SBF2: variants seen among roughly 807,000 people sequenced by gnomAD.
The protein encoded by SBF2 is myotubularin-related protein 13.
In SBF2, 112 loss-of-function variants were observed where a neutral mutation model predicts 225.2. The ratio of observed to expected loss-of-function variants is 0.50; its 90% confidence interval spans 0.43 to 0.58. The LOEUF (loss-of-function observed/expected upper bound fraction) is 0.58, where lower values mean the gene tolerates loss of function less well. Ranked by LOEUF, SBF2 falls within the 20% of genes least tolerant of loss-of-function variation. SBF2 has a pLI of 0.00. For synonymous variants in SBF2, 763 were observed against 773.3 expected (o/e 0.99, Z 0.22); for missense variants, 1,996 against 2,206.2 (o/e 0.90, Z 1.91).
At chr11:10,263,036 A>G (rs1961595866) in intron 1 of SBF2, among the ~76,000 whole-genome samples, 1 of 152,086 alleles carries the variant, frequency 6.6e-6, no homozygotes, top group Admixed American at 6.5e-5. Flanking sequence ...ATTTAATCCT[A>G]AAGAAATTGT....
At chr11:9,793,777 T>G (rs1040379022) in intron 33 of SBF2, among the ~76,000 whole-genome samples, 5 of 152,178 alleles carry the variant, frequency 3.3e-5, no homozygotes, top group African/African-American at 1.2e-4. Flanking sequence ...TGCCTGGACC[T>G]TGGAAGTTTT....
In SBF2 at chr11:10,133,290, T is replaced by C. The variant is rs905099372; in HGVS notation, c.141+60612A>G. On this transcript the variant is annotated intron_variant, in intron 2 of 39. Transcript: ENST00000256190. The stretch of plus-strand genomic sequence containing the variant: ...TGCAGGTGGAGCTGCCTGCCAGTCC[T>C]GCGCCGTGTGCTCGCATTCCTCAGC... Among the ~76,000 whole-genome samples, 48 of 149,576 alleles carry C rather than the reference T, an allele frequency of 3.2e-4. 3 individuals carry two copies. The highest frequency in any genetic ancestry group is 5.0e-4 in the Non-Finnish European group (34 of 67,508).
intron 6 of SBF2, among the ~76,000 whole-genome samples, chr11:10,005,788 T>C (rs922813675): frequency 3.3e-5 from 5 of 152,074 alleles, no homozygotes; most frequent in Non-Finnish European, 5.9e-5. Flanking sequence ...TGGCTGGAGG[T>C]GTTTAACCCC....
At chr11:9,848,888 A>G (rs1856732708) in intron 22 of SBF2, among the ~76,000 whole-genome samples, 1 of 152,220 alleles carries the variant, frequency 6.6e-6, no homozygotes, top group African/African-American at 2.4e-5. Context: ...GTACTAAGCC[A>G]TCTTGATTCT....
In SBF2 at chr11:9,920,414, C is replaced by A. The variant is rs993692191; in HGVS notation, c.1861-24403G>T. ...CCAGCTTTGTGTGTAGTTTATGAGA[C>A]CTGATCTAGATATTCTAGGCACCAG... On this transcript the variant is annotated intron_variant, in intron 16 of 39. Transcript: ENST00000256190. Among the ~76,000 whole-genome samples, 7 of 152,006 alleles carry A rather than the reference C, an allele frequency of 4.6e-5. No homozygotes were observed. The East Asian group carries it at 1.2e-3, about 25-fold the overall frequency.
At chr11:10,121,509 G>C (rs1207818637) in intron 2 of SBF2, among the ~76,000 whole-genome samples, 1 of 152,204 alleles carries the variant, frequency 6.6e-6, no homozygotes, top group Non-Finnish European at 1.5e-5. Context: ...AGGAGGATGG[G>C]ATAAAGCCTT....
chr11:9,968,247 C>T (rs1867094833), intron 14 of SBF2, 94 bp downstream of exon 14: 1 of 1,132,930 alleles, frequency 8.8e-7, no homozygotes, highest in Middle Eastern at 2.8e-4. Context: ...AGTTTGTTCA[C>T]TTTGTGAAAA....
chr11:10,243,049 C>T (rs1297910940), intron 1 of SBF2, among the ~76,000 whole-genome samples: 1 of 152,088 alleles, frequency 6.6e-6, no homozygotes, highest in African/African-American at 2.4e-5. Flanking sequence ...CAAGTGCAAA[C>T]AGAACATTCT....
At chr11:10,042,215 C>G (rs538408927) in intron 3 of SBF2, among the ~76,000 whole-genome samples, 1 of 152,226 alleles carries the variant, frequency 6.6e-6, no homozygotes, top group South Asian at 2.1e-4. Flanking sequence ...TTCCTAGTAC[C>G]CAGAATTGGT....
chr11:9,993,479 G>A (rs902762798), intron 10 of SBF2, among the ~76,000 whole-genome samples: 2 of 152,186 alleles, frequency 1.3e-5, no homozygotes, highest in Non-Finnish European at 2.9e-5. Context: ...TGTTATATAC[G>A]TAACCTTTTA....
rs7929201 is a variant in SBF2 at position 9,874,149 on chromosome 11, T to A, written c.1930-15753A>T. Among the ~76,000 whole-genome samples, 915 of 152,284 alleles carry A rather than the reference T, an allele frequency of 6.0e-3. 16 individuals carry two copies. Among genetic ancestry groups the A allele is most frequent in the African/African-American group, 0.021 (873 of 41,548 alleles). ...AAATCTGCATGATATTATTACTATCTTAGAGACTAATGACAAAGAGAATCT... is the reference window on the plus strand; with the variant it reads ...AAATCTGCATGATATTATTACTATCATAGAGACTAATGACAAAGAGAATCT... On this transcript the variant is annotated intron_variant, in intron 17 of 39. Transcript: ENST00000256190.
chr11:9,918,818 A>G (rs1036596442), intron 16 of SBF2, among the ~76,000 whole-genome samples: 5 of 150,972 alleles, frequency 3.3e-5, no homozygotes, highest in African/African-American at 4.9e-5. Flanking sequence ...GGCTCGCTGC[A>G]AGCTCTGCCT....
At chr11:9,970,705 C>A (rs1474376179) in intron 13 of SBF2, among the ~76,000 whole-genome samples, 1 of 152,192 alleles carries the variant, frequency 6.6e-6, no homozygotes, top group Non-Finnish European at 1.5e-5. Context: ...GCAGGGAAAA[C>A]AACTTTGCCT....
At chr11:10,067,329 T>C (rs969848184) in intron 2 of SBF2, among the ~76,000 whole-genome samples, 2 of 152,138 alleles carry the variant, frequency 1.3e-5, no homozygotes, top group South Asian at 4.1e-4. Flanking sequence ...TTTGATGCAA[T>C]CCCAGTCCAA....
chr11:10,237,763 T>C (rs1458023975), intron 1 of SBF2, among the ~76,000 whole-genome samples: 1 of 152,228 alleles, frequency 6.6e-6, no homozygotes, highest in Non-Finnish European at 1.5e-5. Context: ...CCTTGCCTTC[T>C]ACCTGTTCCT....
chr11:10,019,774 T>C lies in SBF2; in HGVS notation c.619+8678A>G, dbSNP rs1005112494. On this transcript the variant is annotated intron_variant, in intron 6 of 39. Coordinates refer to ENST00000256190, the MANE Select transcript of SBF2 (RefSeq NM_030962.4). ...AAGACAGAAACATGATCTGAGGCCC[T>C]AGATGCTGATCATTTCAGTAAAAAG... is the stretch of plus-strand genomic sequence containing the variant. Among the ~76,000 whole-genome samples the C allele has an allele frequency of 1.7e-4, 26 of 152,288 alleles. No individual in the cohort carries two copies. In the South Asian group the frequency reaches 5.0e-3, roughly 29 times the overall value.
At chr11:10,172,680 T>C (rs1956249164) in intron 2 of SBF2, among the ~76,000 whole-genome samples, 1 of 151,990 alleles carries the variant, frequency 6.6e-6, no homozygotes, top group African/African-American at 2.4e-5. Flanking sequence ...CTTTTCTTTT[T>C]TTTTGAGATG....
At chr11:9,791,529 G>A (rs970383684) in intron 33 of SBF2, among the ~76,000 whole-genome samples, 1 of 151,850 alleles carries the variant, frequency 6.6e-6, no homozygotes, top group Non-Finnish European at 1.5e-5. Context: ...TAACTGCAGG[G>A]TCCAGTGCAG....
chr11:10,075,792 A>T (rs1377969478), intron 2 of SBF2, among the ~76,000 whole-genome samples: 1 of 152,184 alleles, frequency 6.6e-6, no homozygotes, highest in Non-Finnish European at 1.5e-5. Context: ...TCTTTATAGC[A>T]GTGTGAGAAC....
Sources: allele counts gnomAD v4.1 joint callset (sites outside exome capture counted in the v4.1 genomes callset), GRCh38; gene constraint gnomAD v4.1.1; transcripts MANE v1.5; gene names NCBI Gene and HGNC (gene_info 2026-07-23, HGNC 2026-07-21).